DZIP1: variants seen among roughly 807,000 people sequenced by gnomAD.
The protein encoded by DZIP1 is cilium assembly protein DZIP1.
Under a neutral mutation model 107.6 loss-of-function variants are expected in DZIP1, and 97 were observed. That is an observed-to-expected ratio of 0.90 (90% CI 0.77 to 1.07). DZIP1 has a LOEUF of 1.07. Ranked by LOEUF, DZIP1 falls within the 50% of genes least tolerant of loss-of-function variation. DZIP1 has a pLI of 0.00. For synonymous variants in DZIP1, 390 were observed against 386.4 expected, an observed-to-expected ratio of 1.01 and a Z score of -0.11; for missense variants, 1,035 against 1,063.6, an observed-to-expected ratio of 0.97 and a Z score of 0.37.
In DZIP1 at chr13:95,587,863, T is replaced by C. The variant is rs1417719427; in HGVS notation, c.2028-134A>G. The C allele has an allele frequency of 6.1e-6, 7 of 1,139,456 alleles. No individual in the cohort carries two copies. In the African/African-American group the frequency reaches 9.4e-5, roughly 15 times the overall value. 70.6% of individuals were successfully genotyped at this position (1,139,456 alleles called of 1,614,324 possible). A position where few individuals can be genotyped will look rare whatever the true frequency, so the allele number is the denominator to read the frequency against. ...CAGTGGGCACAAGTGCCTTTGGGGC[T>C]ATGGCCAAGATGGCGGCGAGGCCAG... On this transcript the variant is annotated intron_variant, in intron 19 of 22. Transcript: ENST00000376829.
chr13:95,584,324 G>A (rs866869245), intron 22 of DZIP1, among the ~76,000 whole-genome samples: 12 of 151,344 alleles, frequency 7.9e-5, no homozygotes, highest in Middle Eastern at 6.8e-3. Context: ...GGCCACGAGC[G>A]GTGGCCCATG....
chr13:95,638,342 G>A (rs1490480357), intron 5 of DZIP1, among the ~76,000 whole-genome samples: 2 of 151,888 alleles, frequency 1.3e-5, no homozygotes, highest in African/African-American at 4.8e-5. Context: ...TGCCTGCCTT[G>A]GCCTCCCAAA....
rs985588137 is a variant in DZIP1 at position 95,586,045 on chromosome 13, A to G, written c.2310T>C (p.Pro770=). The G allele has an allele frequency of 6.2e-7, 1 of 1,608,636 alleles. No homozygotes were observed. ...ATTCTTCTTTTTTGATAAACATCTC[A>G]GGGACATTAGTTCCACCGACTGGTT... ...VNKPVGGTNV[P]EMFIKKEELQ... is the part of the protein sequence containing the mutation. Residue 770 remains proline (P), a synonymous_variant, in exon 21 of 23, where the codon CCT becomes CCC. Coordinates refer to ENST00000376829, the MANE Select transcript of DZIP1 (RefSeq NM_198968.4).
chr13:95,641,416 C>A lies in DZIP1; in HGVS notation c.476G>T (p.Ser159Ile). The change falls in exon 5 of 23, where the codon AGC becomes ATC. Residue 159 changes from serine to isoleucine, a missense_variant. Ser to Ile is a moderately radical substitution (Grantham distance 142). Transcript: ENST00000376829. The surrounding 1 kb of genome is among the most constrained non-coding windows in gnomAD (Gnocchi z 4.3). ...CGCCTGCTTGGTGAGCAGCTTCTTG[C>A]TCTGCTCGCCGTCGCAGTGGCTCAG... ...LRLSHCDGEQ[S>I]KKLLTKQAGE... 6.2e-7 allele frequency: 1 copy of A among 1,614,160 alleles called. No homozygotes were observed. Among genetic ancestry groups the A allele is most frequent in the Middle Eastern group, 1.6e-4 (1 of 6,062 alleles).
Position 95,606,070 on chromosome 13 carries a change from A to T in DZIP1, c.1421-11T>A, listed in dbSNP as rs1278256421. On this transcript the variant is annotated splice_polypyrimidine_tract_variant and intron_variant, in intron 13 of 22. Coordinates refer to ENST00000376829, the MANE Select transcript of DZIP1 (RefSeq NM_198968.4). ...GGGCTGGGGCATTCACTGAAACAGC[A>T]TAAAAAGGAAAAACTCAGAGGTTCC... 1.2e-6 allele frequency: 2 copies of T among 1,612,960 alleles called. No homozygotes were observed. The highest frequency in any genetic ancestry group is 1.7e-6 in the Non-Finnish European group (2 of 1,179,610).
rs1300568644 is a variant in DZIP1, at chr13:95,610,107, TGTGTGA to T, written c.1364-600_1364-595del. Among the ~76,000 whole-genome samples, 8 of 122,050 alleles carry T rather than the reference TGTGTGA, an allele frequency of 6.6e-5. 1 individual carries two copies. The highest frequency in any genetic ancestry group is 1.4e-4 in the Non-Finnish European group (8 of 56,524). The allele number at this position is 122,050 out of a possible 152,430, so 80.1% of individuals were successfully genotyped here. On this transcript the variant is annotated intron_variant, in intron 12 of 22. Transcript: ENST00000376829. The stretch of plus-strand genomic sequence containing the variant: ...GTGTGTGTGTGTGTGTGTGTGTGTG[TGTGTGA>T]GAGAGAGACAGAGAGAGAGAGACAG...
chr13:95,628,490 A>G (rs1337205103), intron 7 of DZIP1, among the ~76,000 whole-genome samples: 1 of 152,158 alleles, frequency 6.6e-6, no homozygotes, highest in East Asian at 1.9e-4. Context: ...TTGAAACTAG[A>G]GAGATGGTAG....
At chr13:95,616,945 C>T (rs377535478) in intron 10 of DZIP1, among the ~76,000 whole-genome samples, 10 of 152,194 alleles carry the variant, frequency 6.6e-5, no homozygotes, top group African/African-American at 2.2e-4. Context: ...TGGTGGCTCA[C>T]GCCTGTAATC....
At chr13:95,592,015 A>G (rs1650711352) in intron 16 of DZIP1, among the ~76,000 whole-genome samples, 1 of 152,206 alleles carries the variant, frequency 6.6e-6, no homozygotes, top group Admixed American at 6.5e-5. Flanking sequence ...AACAAGGTAA[A>G]ACAGTTGAAA....
intron 16 of DZIP1, among the ~76,000 whole-genome samples, chr13:95,592,109 T>G (rs1470826032): frequency 6.6e-6 from 1 of 152,152 alleles, no homozygotes; most frequent in Non-Finnish European, 1.5e-5. Flanking sequence ...CTATGGATTA[T>G]TCAACAAATG....
intron 7 of DZIP1, among the ~76,000 whole-genome samples, chr13:95,625,938 C>T (rs1876492412): frequency 6.6e-6 from 1 of 150,706 alleles, no homozygotes; most frequent in South Asian, 2.1e-4. Flanking sequence ...TCCTGGGAAA[C>T]ATTGTGAGAC....
At chr13:95,634,003 C>T (rs944212347) in intron 5 of DZIP1, among the ~76,000 whole-genome samples, 1 of 152,296 alleles carries the variant, frequency 6.6e-6, no homozygotes, top group African/African-American at 2.4e-5. Flanking sequence ...TGAAAACTAC[C>T]TCTTGACAGT....
intron 5 of DZIP1, among the ~76,000 whole-genome samples, chr13:95,634,261 C>G: frequency 6.6e-6 from 1 of 152,242 alleles, no homozygotes; most frequent in Non-Finnish European, 1.5e-5. Context: ...GCATCTTCCA[C>G]GCTGAGGATG....
chr13:95,617,377 C>T (rs536292772), intron 10 of DZIP1, among the ~76,000 whole-genome samples: 1 of 152,186 alleles, frequency 6.6e-6, no homozygotes, highest in South Asian at 2.1e-4. Flanking sequence ...CACAAGGAAC[C>T]TCAGACAGGA....
At chr13:95,584,004 G>A (rs905348754) in intron 22 of DZIP1, among the ~76,000 whole-genome samples, 3 of 151,632 alleles carry the variant, frequency 2.0e-5, no homozygotes, top group African/African-American at 7.3e-5. Flanking sequence ...TTGAGACAGA[G>A]TCTCACTCTT....
At chr13:95,633,176 T>G in intron 6 of DZIP1, 58 bp downstream of exon 6, 1 of 1,506,164 alleles carries the variant, frequency 6.6e-7, no homozygotes, top group Non-Finnish European at 9.2e-7. Context: ...CAAGTCTCAT[T>G]GCCAAAAGAA....
At chr13:95,589,311 C>A in intron 18 of DZIP1, 104 bp from the exon 19 acceptor site, 2 of 847,336 alleles carry the variant, frequency 2.4e-6, no homozygotes, top group South Asian at 1.7e-5. Flanking sequence ...CATACACTAA[C>A]GAGGAAGAGC....
intron 10 of DZIP1, among the ~76,000 whole-genome samples, chr13:95,613,010 A>C (rs2045063215): frequency 1.3e-5 from 2 of 152,040 alleles, no homozygotes; most frequent in Admixed American, 6.6e-5. Flanking sequence ...ATTAGAGGGA[A>C]AGAGGGAGGG....
chr13:95,585,034 T>C lies in DZIP1; in HGVS notation c.2350-124A>G, dbSNP rs2044125381. 9.0e-6 allele frequency: 6 copies of C among 665,354 alleles called. No homozygotes were observed. The East Asian group carries it at 1.7e-4, about 19-fold the overall frequency. 41.2% of individuals were successfully genotyped at this position (665,354 alleles called of 1,614,324 possible). A position where few individuals can be genotyped will look rare whatever the true frequency, so the allele number is the denominator to read the frequency against. On this transcript the variant is annotated intron_variant, in intron 21 of 22. Coordinates refer to ENST00000376829, the MANE Select transcript of DZIP1 (RefSeq NM_198968.4). Reference sequence around the variant, plus strand: ...AAGGAAAGAAGTGGGGAACTATTAATACTTCCAAATCTAGTCATTTCTGCA... The same window carrying C: ...AAGGAAAGAAGTGGGGAACTATTAACACTTCCAAATCTAGTCATTTCTGCA...
Sources: gnomAD v4.1 joint callset for allele counts (sites outside exome capture counted in the v4.1 genomes callset) on GRCh38, gnomAD v4.1.1 for gene constraint, Gnocchi (gnomAD v3.1) non-coding constraint, MANE v1.5 for transcripts, NCBI Gene and HGNC (gene_info 2026-07-23, HGNC 2026-07-21) for gene names.